The following CFAP74 variants were observed in gnomAD, a reference collection of about 807,000 sequenced individuals.
CFAP74 encodes the protein cilia- and flagella-associated protein 74.
In CFAP74, 124 loss-of-function variants were observed where a neutral mutation model predicts 188.9. That is an observed-to-expected ratio of 0.66 (90% confidence interval 0.57 to 0.76). The LOEUF (loss-of-function observed/expected upper bound fraction) is 0.76. Among genes scored for constraint, CFAP74 ranks in the 30% least tolerant of loss-of-function variants. The pLI is 0.00. For synonymous variants in CFAP74, 956 were observed against 916.7 expected (o/e 1.04, Z -0.77); for missense variants, 2,198 against 2,165.2 (o/e 1.02, Z -0.30).
chr1:1,922,737 G>A lies in CFAP74; in HGVS notation c.4684-14C>T. The A allele has an allele frequency of 1.4e-5, 22 of 1,598,558 alleles. No homozygotes were observed. Among genetic ancestry groups the A allele is most frequent in the Non-Finnish European group, 1.9e-5 (22 of 1,173,594 alleles). On this transcript the variant is annotated splice_polypyrimidine_tract_variant and intron_variant, in intron 37 of 38. Coordinates refer to ENST00000682832, the MANE Select transcript of CFAP74 (RefSeq NM_001304360.2). ...GAACTCAACGGTCTGTGGGGTATGG[G>A]GCTCCTGTAGGCTGGCGACCAGGCA... is the stretch of plus-strand genomic sequence containing the variant.
chr1:1,979,070 G>A (rs1454335786), intron 6 of CFAP74, among the ~76,000 whole-genome samples: 2 of 136,906 alleles, frequency 1.5e-5, no homozygotes, highest in South Asian at 2.4e-4. Context: ...CAGAACATGC[G>A]TGTGGTACTG....
intron 6 of CFAP74, among the ~76,000 whole-genome samples, chr1:1,978,294 G>T (rs28491083): frequency 0.3 from 45,813 of 152,094 alleles, 7,202 homozygotes; most frequent in Non-Finnish European, 0.34. Context: ...CCTTTGAGGG[G>T]CTCCCTGTTG....
chr1:1,939,454 G>C, intron 24 of CFAP74, 140 bp downstream of exon 24: 2 of 812,684 alleles, frequency 2.5e-6, no homozygotes, highest in Non-Finnish European at 3.9e-6. Flanking sequence ...GGAGGCCCAG[G>C]TGTGGAGGGG....
chr1:1,985,847 C>G (rs1657202663), intron 5 of CFAP74, among the ~76,000 whole-genome samples: 2 of 152,350 alleles, frequency 1.3e-5, no homozygotes, highest in Non-Finnish European at 2.9e-5. Context: ...GCCCTGGGTC[C>G]CCTCCCTCCC....
intron 6 of CFAP74, among the ~76,000 whole-genome samples, chr1:1,982,986 G>T (rs933938676): frequency 4.6e-5 from 7 of 152,234 alleles, no homozygotes; most frequent in Admixed American, 4.6e-4. Context: ...CACTGTGCCC[G>T]AAAACGCCCA....
chr1:1,966,258 C>T, intron 12 of CFAP74, 113 bp downstream of exon 12: 4 of 1,039,368 alleles, frequency 3.8e-6, no homozygotes, highest in South Asian at 2.3e-5. Context: ...GCAGGCACAG[C>T]CAGGAGAAGC....
rs1475238813 is a variant in CFAP74 at position 1,947,001 on chromosome 1, T to G, written c.2230A>C (p.Thr744Pro). ...IPPSEEQTEITLGEVTEGEIG... is the reference protein window; with the variant it reads ...IPPSEEQTEIPLGEVTEGEIG... The stretch of plus-strand genomic sequence containing the variant: ...CTGAGCTGGCTGACCTCCCCCAGCG[T>G]GATCTCCGTCTGCTCTTCGCTGGGA... Residue 744 changes from threonine to proline, a missense_variant, in exon 19 of 39, where the codon ACG becomes CCG. Thr to Pro is a conservative substitution (Grantham distance 38). Transcript: ENST00000682832. 1 of 1,535,806 alleles carries G rather than the reference T, an allele frequency of 6.5e-7. No individual in the cohort carries two copies. The highest frequency in any genetic ancestry group is 8.7e-7 in the Non-Finnish European group (1 of 1,146,700).
In CFAP74 at chr1:1,948,095, A is replaced by T. The variant is rs1653898119; in HGVS notation, c.2177-1041T>A. ...ACCATATCGGCCAGACTGGTCTCGAACTCCTGACCTTGTGATCTGCCCACC... is the reference window on the plus strand; with the variant it reads ...ACCATATCGGCCAGACTGGTCTCGATCTCCTGACCTTGTGATCTGCCCACC... On this transcript the variant is annotated intron_variant, in intron 18 of 38. Transcript: ENST00000682832. 2.6e-5 allele frequency among the ~76,000 whole-genome samples: 4 copies of T among 151,396 alleles called. 1 individual carries two copies. Among genetic ancestry groups the T allele is most frequent in the South Asian group, 4.2e-4 (2 of 4,794 alleles).
In CFAP74 at chr1:1,948,633, G is replaced by A. The variant is rs1256876340; in HGVS notation, c.2177-1579C>T. On this transcript the variant is annotated intron_variant, in intron 18 of 38. Transcript: ENST00000682832. ...TGGCAGGGTCTCACTCTGTCACCCA[G>A]GCTGCAGTGCAGTGGTGTGATCACA... 2.4e-5 allele frequency among the ~76,000 whole-genome samples: 3 copies of A among 124,410 alleles called. No homozygotes were observed. The East Asian group carries it at 7.2e-4, about 30-fold the overall frequency. The allele number at this position is 124,410 out of a possible 152,430, so 81.6% of individuals were successfully genotyped here.
intron 2 of CFAP74, among the ~76,000 whole-genome samples, chr1:1,989,942 C>T (rs1385290963): frequency 6.6e-6 from 1 of 152,192 alleles, no homozygotes; most frequent in African/African-American, 2.4e-5. Flanking sequence ...CACTCGCACG[C>T]CATTTGTCTC....
chr1:1,956,296 A>G (rs1396765272), intron 17 of CFAP74, among the ~76,000 whole-genome samples: 1 of 151,928 alleles, frequency 6.6e-6, no homozygotes, highest in African/African-American at 2.4e-5. Flanking sequence ...TCCCACCCCC[A>G]CACCTGGGGC....
intron 6 of CFAP74, among the ~76,000 whole-genome samples, chr1:1,978,647 G>A (rs28645949): frequency 1.3e-5 from 2 of 151,960 alleles, no homozygotes; most frequent in African/African-American, 4.8e-5. Flanking sequence ...GATTCTCCTC[G>A]GAGGCTTCCG....
intron 21 of CFAP74, among the ~76,000 whole-genome samples, chr1:1,943,220 G>A (rs1653509788): frequency 6.6e-6 from 1 of 152,242 alleles, no homozygotes; most frequent in Admixed American, 6.5e-5. Flanking sequence ...ATGCCCGACA[G>A]ACACGCCTGG....
intron 25 of CFAP74, among the ~76,000 whole-genome samples, chr1:1,938,138 C>T (rs1365269522): frequency 6.6e-6 from 1 of 151,038 alleles, no homozygotes; most frequent in African/African-American, 2.4e-5. Context: ...GTCACATGCT[C>T]ACACATACAT....
At chr1:1,971,407 A>G (rs1024905722) in intron 9 of CFAP74, among the ~76,000 whole-genome samples, 3 of 151,216 alleles carry the variant, frequency 2.0e-5, no homozygotes, top group African/African-American at 4.9e-5. Flanking sequence ...ACGGTCACAC[A>G]TGCACACATG....
intron 6 of CFAP74, among the ~76,000 whole-genome samples, chr1:1,981,935 G>C (rs1444204166): frequency 1.7e-5 from 1 of 59,758 alleles, no homozygotes; most frequent in Non-Finnish European, 3.4e-5. Flanking sequence ...GCCGCGGACA[G>C]ACACGGGGGC....
At chr1:1,936,684 G>A (rs545110986) in intron 25 of CFAP74, among the ~76,000 whole-genome samples, 197 of 152,236 alleles carry the variant, frequency 1.3e-3, no homozygotes, top group African/African-American at 4.4e-3. Flanking sequence ...CGGGAGGATC[G>A]CTTGAGGCTA....
In CFAP74 at chr1:1,968,001, TGAGCGAATGAGTG is replaced by T. The variant is rs1655595964; in HGVS notation, c.1245+621_1245+633del. Among the ~76,000 whole-genome samples, 1 of 142,760 alleles carries T rather than the reference TGAGCGAATGAGTG, an allele frequency of 7.0e-6. No individual in the cohort carries two copies. The highest frequency in any genetic ancestry group is 2.5e-5 in the African/African-American group (1 of 39,400). 93.7% of individuals were successfully genotyped at this position (142,760 alleles called of 152,430 possible). Reference sequence around the variant, plus strand: ...AGTAAAGAATGAATGAGTGAATGAGTGAGCGAATGAGTGAATGAATGAGTGAATGAGTGAATGA... The same window carrying T: ...AGTAAAGAATGAATGAGTGAATGAGTAATGAATGAGTGAATGAGTGAATGA... On this transcript the variant is annotated intron_variant, in intron 11 of 38. Coordinates refer to ENST00000682832, the MANE Select transcript of CFAP74 (RefSeq NM_001304360.2). The surrounding 1 kb of genome is among the most constrained non-coding windows in gnomAD (Gnocchi z 4.3).
chr1:1,970,954 T>G, intron 9 of CFAP74, 138 bp from the exon 10 acceptor site: 1 of 995,216 alleles, frequency 1.0e-6, no homozygotes, highest in Non-Finnish European at 1.5e-6. Context: ...CACCTGCACA[T>G]GCACACATCA....
Sources: allele counts gnomAD v4.1 joint callset (sites outside exome capture counted in the v4.1 genomes callset), GRCh38; gene constraint gnomAD v4.1.1; non-coding constraint Gnocchi (gnomAD v3.1); transcripts MANE v1.5; gene names NCBI Gene and HGNC (gene_info 2026-07-23, HGNC 2026-07-21).